FAM53A: variants seen among roughly 807,000 people sequenced by gnomAD.
The protein encoded by FAM53A is family with sequence similarity 53 member A.
In FAM53A, 28 loss-of-function variants were observed where a neutral mutation model predicts 26.6. That is an observed-to-expected ratio of 1.05 (90% confidence interval 0.78 to 1.45). The LOEUF (loss-of-function observed/expected upper bound fraction) is 1.45, where lower values mean the gene tolerates loss of function less well. Ranked by LOEUF, FAM53A falls within the 40% of genes most tolerant of loss-of-function variation. FAM53A has a pLI of 0.00. For synonymous variants in FAM53A, 290 were observed against 253.1 expected, an observed-to-expected ratio of 1.15 and a Z score of -1.38; for missense variants, 650 against 575.8, an observed-to-expected ratio of 1.13 and a Z score of -1.32.
intron 4 of FAM53A, among the ~76,000 whole-genome samples, chr4:1,650,314 A>G (rs1712656084): frequency 7.3e-6 from 1 of 137,294 alleles, no homozygotes; most frequent in Non-Finnish European, 1.5e-5. Flanking sequence ...GTGAGGTGGC[A>G]CAGGCATAGT....
At chr4:1,636,506 G>A (rs537525614), downstream of FAM53A, among the ~76,000 whole-genome samples, 221 of 152,338 alleles carry the variant, frequency 1.5e-3, no homozygotes, top group Non-Finnish European at 2.6e-3. Flanking sequence ...CCGTCCTCGC[G>A]CTTCAAGCTT....
chr4:1,617,171 AGCAAGG>A (rs1166508955), downstream of FAM53A, among the ~76,000 whole-genome samples: 438 of 145,510 alleles, frequency 3.0e-3, no homozygotes, highest in African/African-American at 0.012. Flanking sequence ...TTACAAATCA[AGCAAGG>A]TTGACAACAC....
At chr4:1,680,404 A>G (rs990681458) in intron 1 of FAM53A, among the ~76,000 whole-genome samples, 10 of 151,852 alleles carry the variant, frequency 6.6e-5, no homozygotes, top group African/African-American at 2.2e-4. Flanking sequence ...AATCCAGAAC[A>G]CTGACAACAC....
chr4:1,657,352 A>G, intron 3 of FAM53A, 56 bp downstream of exon 3: 1 of 1,525,692 alleles, frequency 6.6e-7, no homozygotes, highest in Non-Finnish European at 9.0e-7. Context: ...CTCCCAGCCC[A>G]GGAGCCCAGT....
intron 4 of FAM53A, among the ~76,000 whole-genome samples, chr4:1,643,284 G>C (rs1014612758): frequency 1.3e-5 from 2 of 152,020 alleles, no homozygotes; most frequent in Non-Finnish European, 2.9e-5. Context: ...GGCTAACACG[G>C]TGAAGCCCCG....
At chr4:1,592,544 C>T in the FAM53A span, among the ~76,000 whole-genome samples, 2 of 152,158 alleles carry the variant, frequency 1.3e-5, no homozygotes, top group East Asian at 3.9e-4. Context: ...CCCTAGGGCT[C>T]CCGGGCGCCG....
intron 1 of FAM53A, among the ~76,000 whole-genome samples, chr4:1,632,477 A>C (rs530312572): frequency 6.3e-4 from 96 of 152,326 alleles, no homozygotes; most frequent in Non-Finnish European, 1.0e-3. Flanking sequence ...GTATTCTGAC[A>C]TGGACCCCCA....
At chr4:1,649,163 A>C in intron 4 of FAM53A, among the ~76,000 whole-genome samples, 1 of 120,058 alleles carries the variant, frequency 8.3e-6, no homozygotes, top group African/African-American at 3.3e-5. Flanking sequence ...GGGAAAGGGA[A>C]GGGGAAAGGG....
At chr4:1,587,114 A>G in the FAM53A span, among the ~76,000 whole-genome samples, 1 of 152,044 alleles carries the variant, frequency 6.6e-6, no homozygotes, top group Non-Finnish European at 1.5e-5. Context: ...GGGTTGTTTG[A>G]GTTCCTAGTA....
At chr4:1,589,613 A>G in the FAM53A span, among the ~76,000 whole-genome samples, 1 of 152,110 alleles carries the variant, frequency 6.6e-6, no homozygotes, top group Non-Finnish European at 1.5e-5. Context: ...GCTAATGGAT[A>G]TTAGTCTTTT....
At chr4:1,616,840 TAA>T (rs1714827833), downstream of FAM53A, among the ~76,000 whole-genome samples, 2 of 152,206 alleles carry the variant, frequency 1.3e-5, no homozygotes, top group South Asian at 4.2e-4. Flanking sequence ...AGGCTCAAAT[TAA>T]GTTTCACTTA....
the FAM53A span, among the ~76,000 whole-genome samples, chr4:1,582,658 C>A: frequency 3.9e-5 from 6 of 152,166 alleles, no homozygotes; most frequent in Admixed American, 1.3e-4. Flanking sequence ...GAGTTCAAGA[C>A]CAGCCTGGGC....
chr4:1,650,084 G>A (rs1219547636), intron 4 of FAM53A, among the ~76,000 whole-genome samples: 1 of 146,560 alleles, frequency 6.8e-6, no homozygotes, highest in African/African-American at 2.6e-5. Flanking sequence ...GTGTTTGTGA[G>A]GTGGCACAGG....
At chr4:1,578,146 C>CA in the FAM53A span, among the ~76,000 whole-genome samples, 5 of 152,156 alleles carry the variant, frequency 3.3e-5, no homozygotes, top group African/African-American at 4.8e-5. Context: ...CAGGCCCCCC[C>CA]CAAGCCTGGA....
intron 4 of FAM53A, among the ~76,000 whole-genome samples, chr4:1,648,943 T>C (rs1407016458): frequency 6.6e-6 from 1 of 152,098 alleles, no homozygotes; most frequent in Non-Finnish European, 1.5e-5. Context: ...TGAAACCCCA[T>C]CTCTACTAAA....
chr4:1,652,209 GCCACACACA>G (rs1310175720), intron 4 of FAM53A, among the ~76,000 whole-genome samples: 4 of 81,164 alleles, frequency 4.9e-5, no homozygotes, highest in Non-Finnish European at 7.3e-5. Context: ...CACCACACAT[GCCACACACA>G]CCACACACAC....
chr4:1,594,902 A>G, the FAM53A span, among the ~76,000 whole-genome samples: 126,689 of 152,252 alleles, frequency 0.83, 52,833 homozygotes, highest in African/African-American at 0.87. Flanking sequence ...TTCATAATAT[A>G]CATTGCCGCC....
the FAM53A span, among the ~76,000 whole-genome samples, chr4:1,605,944 C>A: frequency 1.3e-5 from 2 of 152,146 alleles, no homozygotes; most frequent in African/African-American, 4.8e-5. This position sits in a 1 kb window ranked among gnomAD's most constrained non-coding sequence, Gnocchi z 5.7. Flanking sequence ...ACTGGAAGTG[C>A]TCTCTTTGTT....
downstream of FAM53A, among the ~76,000 whole-genome samples, chr4:1,616,593 A>C (rs73067062): frequency 0.013 from 2,032 of 152,386 alleles, 34 homozygotes; most frequent in African/African-American, 0.046. Flanking sequence ...TTAAAAGGCA[A>C]AATAGTTTAT....
Sources: allele counts gnomAD v4.1 joint callset (sites outside exome capture counted in the v4.1 genomes callset), GRCh38; gene constraint gnomAD v4.1.1; non-coding constraint Gnocchi (gnomAD v3.1); transcripts MANE v1.5; gene names NCBI Gene and HGNC (gene_info 2026-07-23, HGNC 2026-07-21).